The following LSAMP variants were observed in gnomAD, a reference collection of about 807,000 sequenced individuals.
LSAMP encodes the protein limbic system associated membrane protein, also known as limbic system-associated membrane protein.
Under a neutral mutation model 38.6 loss-of-function variants are expected in LSAMP, and 7 were observed. That is an observed-to-expected ratio of 0.18 (90% CI 0.10 to 0.34). The LOEUF (loss-of-function observed/expected upper bound fraction) is 0.34, where lower values mean the gene tolerates loss of function less well. Among genes scored for constraint, LSAMP ranks in the 10% least tolerant of loss-of-function variants. The pLI, the probability that LSAMP is intolerant of heterozygous loss-of-function variation, is 1.00. For missense variants in LSAMP, 313 were observed against 420.0 expected (o/e 0.75, Z 2.23); for synonymous variants, 154 against 166.8 (o/e 0.92, Z 0.59).
At chr3:116,404,316 A>T (rs933458371) in intron 1 of LSAMP, among the ~76,000 whole-genome samples, 2 of 152,126 alleles carry the variant, frequency 1.3e-5, no homozygotes, top group African/African-American at 4.8e-5. Flanking sequence ...TCTGTTTTTA[A>T]TGCTTCAGAA....
intron 2 of LSAMP, among the ~76,000 whole-genome samples, chr3:116,069,164 G>C (rs529229774): frequency 6.6e-6 from 1 of 152,138 alleles, no homozygotes; most frequent in African/African-American, 2.4e-5. Flanking sequence ...GGCCTGCAAG[G>C]TTCTGGGTAC....
intron 1 of LSAMP, among the ~76,000 whole-genome samples, chr3:116,143,288 T>A (rs1709414875): frequency 6.6e-6 from 1 of 151,952 alleles, no homozygotes; most frequent in South Asian, 2.1e-4. Flanking sequence ...ATATCCATTT[T>A]ATCTGTTTTC....
intron 3 of LSAMP, among the ~76,000 whole-genome samples, chr3:115,890,603 C>G (rs2107457030): frequency 6.6e-6 from 1 of 152,040 alleles, no homozygotes; most frequent in South Asian, 2.1e-4. Flanking sequence ...TCTTTCTTCT[C>G]TACATTTGCA....
intron 2 of LSAMP, among the ~76,000 whole-genome samples, chr3:116,054,630 T>A (rs1941456085): frequency 6.6e-6 from 1 of 152,136 alleles, no homozygotes; most frequent in Non-Finnish European, 1.5e-5. Context: ...TTACTTATAA[T>A]CAACACTGAA....
At chr3:116,256,170 G>T (rs1281366751) in intron 1 of LSAMP, among the ~76,000 whole-genome samples, 8 of 152,178 alleles carry the variant, frequency 5.3e-5, no homozygotes, top group Admixed American at 5.2e-4. Flanking sequence ...TTACGAAATT[G>T]TATGCCTCCC....
At chr3:116,126,278 A>G (rs1352223537) in intron 1 of LSAMP, among the ~76,000 whole-genome samples, 1 of 152,204 alleles carries the variant, frequency 6.6e-6, no homozygotes, top group Non-Finnish European at 1.5e-5. Context: ...CACCCTAGGT[A>G]CCACAGTGAA....
chr3:116,423,953 T>TGAACCAGAGTCTA (rs2049161552), intron 1 of LSAMP, among the ~76,000 whole-genome samples: 1 of 152,018 alleles, frequency 6.6e-6, no homozygotes, highest in Non-Finnish European at 1.5e-5. Flanking sequence ...AAGACAAGAA[T>TGAACCAGAGTCTA]GAACCAGAGT....
intron 1 of LSAMP, among the ~76,000 whole-genome samples, chr3:116,428,149 T>A (rs370445901): frequency 6.6e-6 from 1 of 152,168 alleles, no homozygotes; most frequent in African/African-American, 2.4e-5. Flanking sequence ...CTACCTATAT[T>A]TGAACTGAAC....
At chr3:116,138,893 C>A (rs1438683740) in intron 1 of LSAMP, among the ~76,000 whole-genome samples, 1 of 150,438 alleles carries the variant, frequency 6.6e-6, no homozygotes, top group Non-Finnish European at 1.5e-5. Context: ...CCAAAGCAAT[C>A]TATGGTTGTT....
intron 3 of LSAMP, among the ~76,000 whole-genome samples, chr3:115,900,368 A>G (rs994830037): frequency 3.9e-5 from 6 of 152,064 alleles, no homozygotes; most frequent in South Asian, 2.1e-4. Context: ...TACAAATATT[A>G]GCTGGGTGTG....
intron 1 of LSAMP, among the ~76,000 whole-genome samples, chr3:116,427,389 G>A (rs2049215618): frequency 6.6e-6 from 1 of 151,852 alleles, no homozygotes; most frequent in African/African-American, 2.4e-5. Flanking sequence ...CAAAGTGCTG[G>A]GATTACAGGC....
intron 1 of LSAMP, among the ~76,000 whole-genome samples, chr3:116,279,332 C>T (rs2047096432): frequency 6.6e-6 from 1 of 152,212 alleles, no homozygotes; most frequent in South Asian, 2.1e-4. Context: ...CTTCTCACTG[C>T]AAGGCCTGAT....
intron 3 of LSAMP, among the ~76,000 whole-genome samples, chr3:115,999,881 CCACTGCACAGCTGT>C (rs1273189366): frequency 6.6e-6 from 1 of 152,144 alleles, no homozygotes; most frequent in Non-Finnish European, 1.5e-5. Context: ...ACAGCTTCTG[CCACTGCACAGCTGT>C]CAGCTGCCAT....
intron 1 of LSAMP, among the ~76,000 whole-genome samples, chr3:116,148,866 G>A (rs1709546114): frequency 6.6e-6 from 1 of 151,986 alleles, no homozygotes; most frequent in Non-Finnish European, 1.5e-5. Context: ...ACAAACTACT[G>A]ATTTTGGACA....
intron 3 of LSAMP, among the ~76,000 whole-genome samples, chr3:115,954,435 C>T (rs1576252725): frequency 1.3e-5 from 2 of 152,250 alleles, no homozygotes; most frequent in Non-Finnish European, 2.9e-5. Context: ...CCATAGGGAG[C>T]AAGAAAAATT....
At chr3:115,986,782 G>C (rs1330915952) in intron 3 of LSAMP, among the ~76,000 whole-genome samples, 1 of 152,146 alleles carries the variant, frequency 6.6e-6, no homozygotes, top group Non-Finnish European at 1.5e-5. Context: ...GGAGGAGGGA[G>C]TTTTCATAAC....
chr3:116,413,338 A>G (rs2049005218), intron 1 of LSAMP, among the ~76,000 whole-genome samples: 1 of 152,042 alleles, frequency 6.6e-6, no homozygotes, highest in Admixed American at 6.6e-5. Context: ...AACTACCTAA[A>G]TGCCTAATAA....
chr3:115,834,582 G>C, intron 6 of LSAMP: 1 of 1,273,682 alleles, frequency 7.9e-7, no homozygotes, highest in East Asian at 5.9e-5. Context: ...GTGGGGGATT[G>C]TGGGTAAAAC....
intron 1 of LSAMP, among the ~76,000 whole-genome samples, chr3:116,114,634 T>A (rs1708703481): frequency 1.3e-5 from 2 of 152,282 alleles, no homozygotes; most frequent in South Asian, 4.1e-4. Context: ...ACTCACATAT[T>A]TAAGAGAAAT....
Sources: gnomAD v4.1 joint callset for allele counts (sites outside exome capture counted in the v4.1 genomes callset) on GRCh38, gnomAD v4.1.1 for gene constraint, MANE v1.5 for transcripts, NCBI Gene and HGNC (gene_info 2026-07-23, HGNC 2026-07-21) for gene names.